The following HIVEP3 variants were observed in gnomAD, a reference collection of about 807,000 sequenced individuals.
The protein encoded by HIVEP3 is HIVEP zinc finger 3.
In HIVEP3, 49 loss-of-function variants were observed where a neutral mutation model predicts 152.8. The ratio of observed to expected loss-of-function variants is 0.32; its 90% CI spans 0.26 to 0.41. The LOEUF is 0.41. HIVEP3 is among the 10% of genes least tolerant of loss of function. The probability of loss-of-function intolerance (pLI) is 1.00; values close to 1 mark genes in which losing one functional copy is unlikely to be tolerated. For synonymous variants in HIVEP3, 1,269 were observed against 1,289.0 expected (o/e 0.98, Z 0.33); for missense variants, 2,790 against 3,103.3 (o/e 0.90, Z 2.40).
chr1:41,687,141 C>T (rs960973285), intron 2 of HIVEP3, among the ~76,000 whole-genome samples: 1 of 152,270 alleles, frequency 6.6e-6, no homozygotes, highest in East Asian at 1.9e-4. Flanking sequence ...CATATGCTTC[C>T]TAACAGAGGA....
intron 7 of HIVEP3, among the ~76,000 whole-genome samples, chr1:41,516,084 T>C (rs1174489611): frequency 7.3e-6 from 1 of 137,812 alleles, no homozygotes; most frequent in African/African-American, 2.6e-5. Context: ...ACTCAGTGCA[T>C]GAATGCTGGA....
intron 1 of HIVEP3, among the ~76,000 whole-genome samples, chr1:41,860,052 G>C (rs1212493417): frequency 6.6e-6 from 1 of 152,168 alleles, no homozygotes; most frequent in Non-Finnish European, 1.5e-5. Context: ...ACCAGCAAAG[G>C]TAGCAGGCAA....
chr1:41,994,076 A>T (rs910253663), intron 1 of HIVEP3, among the ~76,000 whole-genome samples: 11 of 151,646 alleles, frequency 7.3e-5, no homozygotes, highest in African/African-American at 2.7e-4. Flanking sequence ...GGTGCAGTGC[A>T]CCAGCATGGC....
At chr1:41,735,554 TC>T (rs1646904070) in intron 1 of HIVEP3, among the ~76,000 whole-genome samples, 1 of 152,076 alleles carries the variant, frequency 6.6e-6, no homozygotes, top group African/African-American at 2.4e-5. Flanking sequence ...AATAGAACCA[TC>T]CAGGCTCTGC....
intron 1 of HIVEP3, among the ~76,000 whole-genome samples, chr1:41,878,691 C>T (rs1452938558): frequency 6.7e-6 from 1 of 149,980 alleles, no homozygotes; most frequent in Non-Finnish European, 1.5e-5. Flanking sequence ...TCCCTCCTCC[C>T]TCCTCCTCCC....
rs1208159289 is a variant in HIVEP3 at position 41,584,002 on chromosome 1, C to T, written c.796G>A (p.Glu266Lys). The change falls in exon 4 of 9, where the codon GAG (glutamate) becomes AAG (lysine). Residue 266 changes from glutamate to lysine, a missense_variant. Glu to Lys is a moderately conservative substitution (Grantham distance 56). Transcript: ENST00000372583. The surrounding 1 kb of genome is among the most constrained non-coding windows in gnomAD (Gnocchi z 5.2). ...TCAAACTCTTCCCCAGGGATCCGCT[C>T]CATCTCCAGCCCATGTGGGTACATC... ...GEMYPHGLEM[E>K]RIPGEEFEEP... The T allele has an allele frequency of 6.2e-7, 1 of 1,614,206 alleles. No homozygotes were observed. Among genetic ancestry groups the T allele is most frequent in the East Asian group, 2.2e-5 (1 of 44,884 alleles).
chr1:41,947,758 G>A (rs779459588), intron 1 of HIVEP3, among the ~76,000 whole-genome samples: 12 of 152,226 alleles, frequency 7.9e-5, no homozygotes, highest in Non-Finnish European at 1.6e-4. Flanking sequence ...GCATACCTGA[G>A]TAAGGAAACT....
Position 41,524,894 on chromosome 1 carries a change from C to G in HIVEP3, c.5224G>C (p.Glu1742Gln). The G allele has an allele frequency of 6.2e-7, 1 of 1,613,716 alleles. No homozygotes were observed. Among genetic ancestry groups the G allele is most frequent in the Non-Finnish European group, 8.5e-7 (1 of 1,179,798 alleles). ...CCGCGGCCTCGCACATATACATACT[C>G]TTCGTTTGATTTGTACCTATGAGCA... is the stretch of plus-strand genomic sequence containing the variant. The part of the protein sequence containing the change: ...IFEGGYKSNE[E>Q]YVYVRGRGRG... The change falls in exon 6 of 9, where the codon GAG (glutamate) becomes CAG (glutamine). Residue 1742 changes from glutamate (E) to glutamine (Q), a missense_variant. Around this residue, in one of 9 missense-constraint regions of HIVEP3, gnomAD observed 1,078 missense variants for 1,165.3 expected, o/e 0.93. Coordinates refer to ENST00000372583, the MANE Select transcript of HIVEP3 (RefSeq NM_024503.5).
chr1:41,890,946 G>A (rs932644460), intron 1 of HIVEP3, among the ~76,000 whole-genome samples: 4 of 152,210 alleles, frequency 2.6e-5, no homozygotes, highest in Admixed American at 1.3e-4. Flanking sequence ...TAGCCTGCCT[G>A]GGAGGCTGCC....
chr1:41,764,257 A>T (rs1456272789), intron 1 of HIVEP3, among the ~76,000 whole-genome samples: 2 of 152,156 alleles, frequency 1.3e-5, no homozygotes, highest in Non-Finnish European at 2.9e-5. Context: ...GAGACTTTTA[A>T]TCTAGGAGGG....
chr1:41,807,748 A>G (rs766948392), intron 1 of HIVEP3, among the ~76,000 whole-genome samples: 4 of 152,340 alleles, frequency 2.6e-5, no homozygotes, highest in East Asian at 1.9e-4. Context: ...AGAAGGGCCA[A>G]TTAACCCCAT....
intron 5 of HIVEP3, among the ~76,000 whole-genome samples, chr1:41,563,888 C>T (rs1288860405): frequency 1.3e-5 from 2 of 152,008 alleles, no homozygotes; most frequent in East Asian, 1.9e-4. Flanking sequence ...ATTAAAGGGA[C>T]ATTCAAGAAA....
At chr1:41,595,380 G>C (rs1489999155) in intron 3 of HIVEP3, among the ~76,000 whole-genome samples, 6 of 152,184 alleles carry the variant, frequency 3.9e-5, no homozygotes, top group Non-Finnish European at 5.9e-5. Context: ...GGCCCACCCA[G>C]TCTTCCTGGC....
At chr1:41,923,880 TAAATCA>T (rs1644953641), upstream of HIVEP3, among the ~76,000 whole-genome samples, 1 of 152,202 alleles carries the variant, frequency 6.6e-6, no homozygotes. Flanking sequence ...ACCAATACTG[TAAATCA>T]TAGAATTCTA....
intron 2 of HIVEP3, among the ~76,000 whole-genome samples, chr1:41,633,029 G>A (rs1451935026): frequency 1.3e-5 from 2 of 152,042 alleles, no homozygotes; most frequent in South Asian, 4.2e-4. Context: ...TGGAAGGAGA[G>A]AGACTTCTTC....
chr1:41,809,867 G>A (rs1650847710), intron 1 of HIVEP3, among the ~76,000 whole-genome samples: 2 of 152,126 alleles, frequency 1.3e-5, no homozygotes, highest in African/African-American at 4.8e-5. Context: ...TCACCATCTC[G>A]CCGAGTCCAT....
chr1:41,737,095 C>A (rs923117927), intron 1 of HIVEP3, among the ~76,000 whole-genome samples: 1 of 152,192 alleles, frequency 6.6e-6, no homozygotes, highest in Non-Finnish European at 1.5e-5. Flanking sequence ...CCTCGTTCCC[C>A]GCTCACCAGT....
At position 41,638,682 on chromosome 1, in the gene HIVEP3, G is replaced by C. The variant is rs61648882; in HGVS notation, c.-720-9735C>G. On this transcript the variant is annotated intron_variant, in intron 2 of 8. Transcript: ENST00000372583. Reference sequence around the variant, plus strand: ...GGTGGCACCCACCCAGGGCAGGAAGGACCAGGGCCAGCTCCTCTGCTGGCC... The same window carrying C: ...GGTGGCACCCACCCAGGGCAGGAAGCACCAGGGCCAGCTCCTCTGCTGGCC... 3.7e-3 allele frequency among the ~76,000 whole-genome samples: 567 copies of C among 152,358 alleles called. 3 individuals carry two copies. Among genetic ancestry groups the C allele is most frequent in the African/African-American group, 0.013 (542 of 41,580 alleles).
At chr1:41,859,221 G>A (rs148171971) in intron 1 of HIVEP3, among the ~76,000 whole-genome samples, 162 of 152,218 alleles carry the variant, frequency 1.1e-3, no homozygotes, top group Middle Eastern at 3.4e-3. Flanking sequence ...GCTGGGCCTG[G>A]CCAGTTTTCT....
Sources: allele counts gnomAD v4.1 joint callset (sites outside exome capture counted in the v4.1 genomes callset), GRCh38; gene constraint gnomAD v4.1.1; regional missense constraint gnomAD v4.1.1; non-coding constraint Gnocchi (gnomAD v3.1); transcripts MANE v1.5; gene names NCBI Gene and HGNC (gene_info 2026-07-23, HGNC 2026-07-21).